SUSD1: variants seen among roughly 807,000 people sequenced by gnomAD.
SUSD1 encodes sushi domain containing 1.
SUSD1 carries 65 observed loss-of-function variants against 86.9 expected under a neutral mutation model. The ratio of observed to expected loss-of-function variants is 0.75; its 90% CI spans 0.61 to 0.92. The LOEUF (loss-of-function observed/expected upper bound fraction) is 0.92. Ranked by LOEUF, SUSD1 falls within the 40% of genes least tolerant of loss-of-function variation. SUSD1 has a pLI of 0.00. For synonymous variants in SUSD1, 346 were observed against 350.0 expected (o/e 0.99, Z 0.13); for missense variants, 850 against 929.7 (o/e 0.91, Z 1.11).
intron 2 of SUSD1, among the ~76,000 whole-genome samples, chr9:112,151,167 A>T (rs1259886009): frequency 2.0e-5 from 3 of 152,124 alleles, no homozygotes; most frequent in African/African-American, 7.2e-5. Flanking sequence ...CTGGTCTCAA[A>T]CTCCTGGCCT....
At chr9:112,169,017 T>C (rs555017860) in intron 1 of SUSD1, among the ~76,000 whole-genome samples, 3 of 152,106 alleles carry the variant, frequency 2.0e-5, no homozygotes, top group Admixed American at 1.3e-4. Flanking sequence ...TCTCTAACAC[T>C]ATATAAAATT....
chr9:112,045,470 C>T (rs1435316828), intron 15 of SUSD1, among the ~76,000 whole-genome samples: 2 of 152,304 alleles, frequency 1.3e-5, no homozygotes, highest in Non-Finnish European at 2.9e-5. Context: ...CCACATACAG[C>T]TCTCATGTCC....
At position 112,159,430 on chromosome 9, in the gene SUSD1, T is replaced by C. The variant is rs557657466; in HGVS notation, c.104-1817A>G. Among the ~76,000 whole-genome samples the C allele has an allele frequency of 1.7e-4, 26 of 152,216 alleles. 1 individual carries two copies. In the South Asian group the frequency reaches 5.4e-3, roughly 32 times the overall value. Reference sequence around the variant, plus strand: ...AAAAAAATAAAAGACAACACAAAAATAAGACAAACCGCTAATCATCACTAA... The same window carrying C: ...AAAAAAATAAAAGACAACACAAAAACAAGACAAACCGCTAATCATCACTAA... On this transcript the variant is annotated intron_variant, in intron 1 of 16. Transcript: ENST00000374270.
In SUSD1 at chr9:112,080,119, C is replaced by T; in HGVS notation, c.1521G>A (p.Leu507=). 2 of 1,613,706 alleles carry T rather than the reference C, an allele frequency of 1.2e-6. No individual in the cohort carries two copies. The highest frequency in any genetic ancestry group is 1.7e-6 in the Non-Finnish European group (2 of 1,179,714). The change falls in exon 11 of 17, where the codon TTG becomes TTA. Residue 507 remains leucine (L), a synonymous_variant. Coordinates refer to ENST00000374270, the MANE Select transcript of SUSD1 (RefSeq NM_022486.5). ...SNISGFNETC[L]RWRSIKTADM... is the part of the protein sequence containing the mutation. Reference sequence around the variant, plus strand: ...CAGCTGTCTTGATGCTTCTCCATCTCAAGCAGGTTTCATTAAATCCTGAAA... The same window carrying T: ...CAGCTGTCTTGATGCTTCTCCATCTTAAGCAGGTTTCATTAAATCCTGAAA...
At chr9:112,089,811 C>CAAAAAAAAAAAAAAA (rs3983407) in intron 10 of SUSD1, among the ~76,000 whole-genome samples, 11 of 115,914 alleles carry the variant, frequency 9.5e-5, no homozygotes, top group Admixed American at 3.5e-4. Context: ...GATTCCATCT[C>CAAAAAAAAAAAAAAA]AAAAAAAAAA....
intron 12 of SUSD1, among the ~76,000 whole-genome samples, chr9:112,074,966 G>A (rs1001616061): frequency 6.6e-6 from 1 of 152,008 alleles, no homozygotes; most frequent in Non-Finnish European, 1.5e-5. Flanking sequence ...GAGGGAACTT[G>A]AGCCACTAAA....
At chr9:112,147,947 T>C (rs1263448240) in intron 3 of SUSD1, among the ~76,000 whole-genome samples, 2 of 152,196 alleles carry the variant, frequency 1.3e-5, no homozygotes, top group Non-Finnish European at 2.9e-5. Flanking sequence ...AACAACAGGA[T>C]ATTATAAAAT....
rs1828793782 is a variant in SUSD1 at position 112,062,859 on chromosome 9, T to C, written c.1850+78A>G. ...AGTGCAGCCACCAACACAGAAGTCT[T>C]CTCCTCACCAAAATCAAAGTTTCCA... is the stretch of plus-strand genomic sequence containing the variant. On this transcript the variant is annotated intron_variant, in intron 13 of 16. Coordinates refer to ENST00000374270, the MANE Select transcript of SUSD1 (RefSeq NM_022486.5). The C allele has an allele frequency of 9.4e-6, 9 of 956,348 alleles. No homozygotes were observed. The East Asian group carries it at 2.2e-4, about 23-fold the overall frequency. The allele number at this position is 956,348 out of a possible 1,614,324, so 59.2% of individuals were successfully genotyped here.
chr9:112,113,313 G>A lies in SUSD1; in HGVS notation c.887-445C>T, dbSNP rs904897101. ...TCACTGCTATCCCCAGGGGGAAAAT[G>A]ACATGTCTCACCACACAGGACCATG... On this transcript the variant is annotated intron_variant, in intron 6 of 16. Transcript: ENST00000374270. This position sits in a 1 kb window ranked among gnomAD's most constrained non-coding sequence, Gnocchi z 4.1. Among the ~76,000 whole-genome samples, 19 of 152,190 alleles carry A rather than the reference G, an allele frequency of 1.2e-4. No individual in the cohort carries two copies. Among genetic ancestry groups the A allele is most frequent in the Admixed American group, 7.2e-4 (11 of 15,276 alleles).
At chr9:112,145,749 A>G (rs1463108322) in intron 3 of SUSD1, among the ~76,000 whole-genome samples, 1 of 152,086 alleles carries the variant, frequency 6.6e-6, no homozygotes, top group Non-Finnish European at 1.5e-5. Flanking sequence ...ATTCTATTCA[A>G]TTGCTGAAGG....
At chr9:112,070,128 C>A (rs975682995) in intron 12 of SUSD1, among the ~76,000 whole-genome samples, 3 of 152,168 alleles carry the variant, frequency 2.0e-5, no homozygotes, top group Non-Finnish European at 4.4e-5. Context: ...GCCACAGCCT[C>A]CCGAGTAGCT....
chr9:112,074,700 A>G (rs1829436577), intron 12 of SUSD1, among the ~76,000 whole-genome samples: 1 of 152,164 alleles, frequency 6.6e-6, no homozygotes, highest in Non-Finnish European at 1.5e-5. Flanking sequence ...TTTTACCGAA[A>G]TAAGGCCACA....
intron 5 of SUSD1, among the ~76,000 whole-genome samples, chr9:112,136,491 C>T (rs923971151): frequency 1.3e-5 from 2 of 152,216 alleles, no homozygotes; most frequent in African/African-American, 4.8e-5. Context: ...TTCTTGGTCT[C>T]CCAAAGTGCT....
chr9:112,051,808 C>T lies in SUSD1; in HGVS notation c.2149+591G>A, dbSNP rs573704920. On this transcript the variant is annotated intron_variant, in intron 15 of 16. Transcript: ENST00000374270. ...TGGCTTTTCGGCATCTTTTCCTGTG[C>T]CCCATTTCTTGATAGGGATTTTGTC... Among the ~76,000 whole-genome samples, 104 of 152,158 alleles carry T rather than the reference C, an allele frequency of 6.8e-4. 1 individual carries two copies. The highest frequency in any genetic ancestry group is 2.4e-3 in the African/African-American group (98 of 41,508).
chr9:112,089,396 T>C (rs1393190237), intron 10 of SUSD1, among the ~76,000 whole-genome samples: 1 of 152,044 alleles, frequency 6.6e-6, no homozygotes, highest in African/African-American at 2.4e-5. Flanking sequence ...CAAAGTAGAA[T>C]TCAAATCAAA....
chr9:112,096,263 C>T (rs1213872881), intron 10 of SUSD1, among the ~76,000 whole-genome samples: 1 of 152,184 alleles, frequency 6.6e-6, no homozygotes, highest in Non-Finnish European at 1.5e-5. Context: ...TCACCACTGT[C>T]CCCAGCTCTC....
At chr9:112,045,949 A>C (rs1397864020) in intron 15 of SUSD1, among the ~76,000 whole-genome samples, 1 of 152,230 alleles carries the variant, frequency 6.6e-6, no homozygotes, top group East Asian at 1.9e-4. Context: ...GTAGGAGTTA[A>C]GGAAGCTGAC....
chr9:112,060,154 T>A (rs894047340), intron 13 of SUSD1, among the ~76,000 whole-genome samples: 16 of 152,294 alleles, frequency 1.1e-4, no homozygotes, highest in African/African-American at 3.8e-4. Flanking sequence ...CATGAATCAC[T>A]AGGTTAAGAA....
intron 5 of SUSD1, among the ~76,000 whole-genome samples, chr9:112,125,468 A>ATTT (rs1831733900): frequency 6.6e-6 from 1 of 152,214 alleles, no homozygotes; most frequent in African/African-American, 2.4e-5. Flanking sequence ...AAGAAAGTAT[A>ATTT]ATAACTATAA....
Sources: allele counts gnomAD v4.1 joint callset (sites outside exome capture counted in the v4.1 genomes callset), GRCh38; gene constraint gnomAD v4.1.1; non-coding constraint Gnocchi (gnomAD v3.1); transcripts MANE v1.5; gene names NCBI Gene and HGNC (gene_info 2026-07-23, HGNC 2026-07-21).